The following CCDC192 variants were observed in gnomAD, a reference collection of about 807,000 sequenced individuals.
The protein encoded by CCDC192 is coiled-coil domain containing 192, also known as coiled-coil domain-containing protein 192.
chr5:127,809,800 G>A (rs1445121586), intron 5 of CCDC192, among the ~76,000 whole-genome samples: 1 of 152,102 alleles, frequency 6.6e-6, no homozygotes, highest in African/African-American at 2.4e-5. Context: ...GGTCTGGAGG[G>A]TGCCTGACTC....
At chr5:127,757,877 T>C (rs946265304) in intron 3 of CCDC192, among the ~76,000 whole-genome samples, 3 of 151,060 alleles carry the variant, frequency 2.0e-5, no homozygotes, top group Admixed American at 2.0e-4. Flanking sequence ...TTGCCTGCTG[T>C]ACACGTTAAG....
chr5:127,811,356 T>C (rs1463607109), intron 5 of CCDC192, among the ~76,000 whole-genome samples: 2 of 152,148 alleles, frequency 1.3e-5, no homozygotes, highest in African/African-American at 4.8e-5. Flanking sequence ...TCTCCTTGCA[T>C]AGGAGTTGGG....
At chr5:127,928,456 C>A (rs1434380087) in intron 6 of CCDC192, among the ~76,000 whole-genome samples, 1 of 152,238 alleles carries the variant, frequency 6.6e-6, no homozygotes, top group Non-Finnish European at 1.5e-5. Context: ...TGACCCCCTA[C>A]TTCCCTTTTA....
At chr5:127,863,293 GT>G (rs1174790610) in intron 5 of CCDC192, among the ~76,000 whole-genome samples, 2 of 152,182 alleles carry the variant, frequency 1.3e-5, no homozygotes, top group African/African-American at 4.8e-5. Context: ...TAAACAATAT[GT>G]ATACATACCA....
At chr5:127,902,710 C>T (rs2127168150) in intron 6 of CCDC192, among the ~76,000 whole-genome samples, 1 of 152,300 alleles carries the variant, frequency 6.6e-6, no homozygotes, top group East Asian at 1.9e-4. Context: ...AGAAAATGTT[C>T]TGGGTTCATG....
At chr5:127,922,119 C>A (rs1753738585) in intron 6 of CCDC192, among the ~76,000 whole-genome samples, 1 of 152,168 alleles carries the variant, frequency 6.6e-6, no homozygotes, top group Non-Finnish European at 1.5e-5. Flanking sequence ...TGAATAACTT[C>A]TTAATCTTTG....
At chr5:127,752,016 C>A (rs1189922159) in intron 2 of CCDC192, among the ~76,000 whole-genome samples, 1 of 151,932 alleles carries the variant, frequency 6.6e-6, no homozygotes, top group Non-Finnish European at 1.5e-5. Flanking sequence ...ATACATTCTT[C>A]TAAATTTTTT....
intron 5 of CCDC192, among the ~76,000 whole-genome samples, chr5:127,822,143 TCAGAAAACA>T (rs1210161493): frequency 6.6e-6 from 1 of 152,174 alleles, no homozygotes; most frequent in Non-Finnish European, 1.5e-5. Flanking sequence ...AGACACGTAA[TCAGAAAACA>T]CTGAAAACTG....
intron 2 of CCDC192, among the ~76,000 whole-genome samples, chr5:127,712,661 G>T (rs1751405431): frequency 6.6e-6 from 1 of 152,098 alleles, no homozygotes. Flanking sequence ...TTTGTCTGTT[G>T]ACTGACATTT....
chr5:127,735,133 G>A (rs1187673984), intron 2 of CCDC192, among the ~76,000 whole-genome samples: 1 of 127,060 alleles, frequency 7.9e-6, no homozygotes, highest in Non-Finnish European at 1.6e-5. Context: ...TCCAGTTTCA[G>A]CTTTCTACAT....
At chr5:127,875,426 T>C (rs1019834682) in intron 5 of CCDC192, 112 bp from the exon 6 acceptor site, 9 of 390,850 alleles carry the variant, frequency 2.3e-5, no homozygotes, top group Non-Finnish European at 4.1e-5. Flanking sequence ...CAGGGAGTGT[T>C]TCATCTAAGC....
chr5:127,926,727 G>A (rs757507266), intron 6 of CCDC192, among the ~76,000 whole-genome samples: 1 of 152,100 alleles, frequency 6.6e-6, no homozygotes, highest in Non-Finnish European at 1.5e-5. Context: ...TCAGAGTCTA[G>A]AGCTCAGGTC....
chr5:127,858,390 C>T (rs1751197581), intron 5 of CCDC192, among the ~76,000 whole-genome samples: 1 of 152,184 alleles, frequency 6.6e-6, no homozygotes, highest in South Asian at 2.1e-4. Context: ...CCTGCATTAC[C>T]TAATTAATGC....
intron 3 of CCDC192, among the ~76,000 whole-genome samples, chr5:127,767,023 A>G (rs1201318906): frequency 4.6e-5 from 7 of 152,218 alleles, no homozygotes; most frequent in Non-Finnish European, 7.3e-5. Flanking sequence ...GAGACTAATA[A>G]GGCCTTGAGA....
chr5:127,928,263 C>T (rs913461168), intron 6 of CCDC192, among the ~76,000 whole-genome samples: 1 of 152,180 alleles, frequency 6.6e-6, no homozygotes, highest in Non-Finnish European at 1.5e-5. Context: ...AAAAGTCCAA[C>T]AGGTGTCACC....
chr5:127,719,663 A>G (rs943083485), intron 2 of CCDC192, among the ~76,000 whole-genome samples: 23 of 150,880 alleles, frequency 1.5e-4, no homozygotes, highest in African/African-American at 5.6e-4. Flanking sequence ...ACATTGCTCT[A>G]AAGAACTACC....
At chr5:127,929,760 G>T (rs770417884) in intron 6 of CCDC192, among the ~76,000 whole-genome samples, 9 of 152,140 alleles carry the variant, frequency 5.9e-5, no homozygotes, top group Non-Finnish European at 1.3e-4. Flanking sequence ...ACTAGAAACT[G>T]TCATATCTTT....
chr5:127,923,326 G>A (rs1243182908), intron 6 of CCDC192, among the ~76,000 whole-genome samples: 1 of 151,532 alleles, frequency 6.6e-6, no homozygotes, highest in Admixed American at 6.6e-5. Flanking sequence ...CATTCATACA[G>A]TATTTTAGGG....
chr5:127,706,525 G>GAAAAAA (rs1224118510), intron 1 of CCDC192, among the ~76,000 whole-genome samples: 24 of 60,086 alleles, frequency 4.0e-4, no homozygotes, highest in East Asian at 2.4e-3. Flanking sequence ...CTCCATCTCA[G>GAAAAAA]AAAAAAAAAA....
Sources: allele counts gnomAD v4.1 joint callset (sites outside exome capture counted in the v4.1 genomes callset), GRCh38; gene constraint gnomAD v4.1.1; transcripts MANE v1.5; gene names NCBI Gene and HGNC (gene_info 2026-07-23, HGNC 2026-07-21).